AFF3: variants seen among roughly 807,000 people sequenced by gnomAD.
AFF3 encodes AF4/FMR2 family member 3.
AFF3 carries 32 observed loss-of-function variants against 129.7 expected under a neutral mutation model. The ratio of observed to expected loss-of-function variants is 0.25; its 90% confidence interval spans 0.19 to 0.33. The LOEUF is 0.33. AFF3 is among the 10% of genes least tolerant of loss of function. The pLI is 1.00. For missense variants in AFF3, 1,373 were observed against 1,592.0 expected (o/e 0.86, Z 2.34); for synonymous variants, 644 against 635.4 (o/e 1.01, Z -0.20).
At chr2:99,830,810 C>T (rs1488002054) in intron 8 of AFF3, among the ~76,000 whole-genome samples, 1 of 152,240 alleles carries the variant, frequency 6.6e-6, no homozygotes, top group Non-Finnish European at 1.5e-5. Context: ...CTAGTGCTTT[C>T]ATACCATGCT....
intron 12 of AFF3, among the ~76,000 whole-genome samples, chr2:99,651,904 T>A (rs1470739353): frequency 6.6e-6 from 1 of 152,156 alleles, no homozygotes; most frequent in African/African-American, 2.4e-5. Flanking sequence ...CAGTTCCACA[T>A]CTTGGGATAA....
intron 4 of AFF3, among the ~76,000 whole-genome samples, chr2:100,052,488 C>G (rs1457052323): frequency 6.6e-6 from 1 of 152,066 alleles, no homozygotes; most frequent in Non-Finnish European, 1.5e-5. Flanking sequence ...CATATCCTGC[C>G]TTCTAGAACT....
intron 4 of AFF3, among the ~76,000 whole-genome samples, chr2:100,057,227 A>C (rs892062758): frequency 6.7e-6 from 1 of 148,380 alleles, no homozygotes; most frequent in African/African-American, 2.5e-5. Flanking sequence ...AGGCTGAGGC[A>C]GGAGAATCAC....
intron 13 of AFF3, among the ~76,000 whole-genome samples, chr2:99,628,065 T>A (rs1480535481): frequency 6.6e-6 from 1 of 152,240 alleles, no homozygotes; most frequent in Non-Finnish European, 1.5e-5. Flanking sequence ...TTTGGTTTCA[T>A]ATGAACTTTA....
intron 7 of AFF3, among the ~76,000 whole-genome samples, chr2:99,983,904 TG>T (rs1679624914): frequency 6.6e-6 from 1 of 151,812 alleles, no homozygotes; most frequent in Non-Finnish European, 1.5e-5. Flanking sequence ...TCATTCATTT[TG>T]GAAAAAAAAA....
intron 18 of AFF3, among the ~76,000 whole-genome samples, chr2:99,574,292 G>A (rs1301121680): frequency 1.3e-5 from 2 of 152,148 alleles, no homozygotes; most frequent in African/African-American, 2.4e-5. Context: ...AGGTCACACT[G>A]CCACCAATAT....
chr2:99,991,527 A>G (rs1171742933), intron 7 of AFF3, among the ~76,000 whole-genome samples: 1 of 152,196 alleles, frequency 6.6e-6, no homozygotes, highest in African/African-American at 2.4e-5. Flanking sequence ...GAATGTCATG[A>G]TTTGAAGTTG....
intron 4 of AFF3, among the ~76,000 whole-genome samples, chr2:100,033,216 AC>A (rs1168186896): frequency 1.3e-5 from 2 of 152,034 alleles, no homozygotes; most frequent in African/African-American, 2.4e-5. Context: ...AAGAGCCTTC[AC>A]CCCCATCAAC....
At chr2:99,571,323 A>T (rs922880273) in intron 18 of AFF3, among the ~76,000 whole-genome samples, 1 of 152,132 alleles carries the variant, frequency 6.6e-6, no homozygotes, top group Non-Finnish European at 1.5e-5. Context: ...TTTGTCACTA[A>T]CAGTTCACTA....
chr2:100,057,878 C>T (rs961959605), intron 4 of AFF3, among the ~76,000 whole-genome samples: 2 of 152,216 alleles, frequency 1.3e-5, no homozygotes, highest in African/African-American at 4.8e-5. Flanking sequence ...CAGCAACTGT[C>T]TTTCCTGGAA....
chr2:100,088,658 TCTC>T (rs1268227810), intron 4 of AFF3, among the ~76,000 whole-genome samples: 2 of 150,204 alleles, frequency 1.3e-5, no homozygotes, highest in Non-Finnish European at 1.5e-5. Context: ...TACAAGATCT[TCTC>T]CTAGGGCCAT....
rs1303454946 is a variant in AFF3 at position 99,975,188 on chromosome 2, T to C, written c.873+31444A>G. 2.6e-5 allele frequency among the ~76,000 whole-genome samples: 4 copies of C among 152,326 alleles called. No homozygotes were observed. In the South Asian group the frequency reaches 6.2e-4, roughly 24 times the overall value. On this transcript the variant is annotated intron_variant, in intron 7 of 24. Transcript: ENST00000672756. ...ACTGGGTCTTTTCTCTTGACAGCCA[T>C]TGGGCAAGTGAGGGATACACGGTTG...
Position 99,545,472 on chromosome 2 carries a change from T to C in AFF3, c.*6002A>G, listed in dbSNP as rs1277451600. 5 of 152,210 alleles carry C rather than the reference T, an allele frequency of 3.3e-5. No homozygotes were observed. The highest frequency in any genetic ancestry group is 6.5e-5 in the Admixed American group (1 of 15,276). 9.4% of individuals were successfully genotyped at this position (152,210 alleles called of 1,614,324 possible). A position where few individuals can be genotyped will look rare whatever the true frequency, so the allele number is the denominator to read the frequency against. On this transcript the variant is annotated 3_prime_UTR_variant, in exon 25 of 25. Transcript: ENST00000672756. ...AACAGCACTCTAAAAATCCTAAACA[T>C]TGGTGCTATGTTATATCATGTCTAG...
chr2:100,031,034 A>G (rs1295818429), intron 4 of AFF3, among the ~76,000 whole-genome samples: 1 of 152,230 alleles, frequency 6.6e-6, no homozygotes, highest in Non-Finnish European at 1.5e-5. Flanking sequence ...GAGATTATAC[A>G]TATGCATTTT....
chr2:99,744,160 C>G lies in AFF3; in HGVS notation c.1003-20G>C. 3 of 1,595,308 alleles carry G rather than the reference C, an allele frequency of 1.9e-6. No homozygotes were observed. Among genetic ancestry groups the G allele is most frequent in the Non-Finnish European group, 1.7e-6 (2 of 1,169,168 alleles). ...AGAGTCCTGAAAGAACAAGAAATAT[C>G]AATTAATTTTCTTATTTTGACTTTC... On this transcript the variant is annotated intron_variant, in intron 9 of 24. Coordinates refer to ENST00000672756, the MANE Select transcript of AFF3 (RefSeq NM_001386135.1).
At chr2:99,628,792 C>T (rs1360769784) in intron 13 of AFF3, among the ~76,000 whole-genome samples, 1 of 140,294 alleles carries the variant, frequency 7.1e-6, no homozygotes, top group Non-Finnish European at 1.5e-5. Context: ...ACAATCTTGG[C>T]TCGCTGCAAC....
At chr2:99,924,028 C>A (rs906358684) in intron 7 of AFF3, among the ~76,000 whole-genome samples, 2 of 151,996 alleles carry the variant, frequency 1.3e-5, no homozygotes, top group South Asian at 2.1e-4. Context: ...TGGGAGTGAA[C>A]CTTCCTATGA....
At chr2:99,756,421 G>A (rs17023080) in intron 8 of AFF3, among the ~76,000 whole-genome samples, 4 of 152,208 alleles carry the variant, frequency 2.6e-5, no homozygotes, top group African/African-American at 9.6e-5. Context: ...AATAAACAAA[G>A]GCTCTTAAGT....
intron 7 of AFF3, among the ~76,000 whole-genome samples, chr2:99,851,729 T>C: frequency 6.6e-6 from 1 of 152,226 alleles, no homozygotes; most frequent in East Asian, 1.9e-4. Context: ...AAATGCTTTC[T>C]AGACACATAA....
Sources: gnomAD v4.1 joint callset for allele counts (sites outside exome capture counted in the v4.1 genomes callset) on GRCh38, gnomAD v4.1.1 for gene constraint, MANE v1.5 for transcripts, NCBI Gene and HGNC (gene_info 2026-07-23, HGNC 2026-07-21) for gene names.